CTPS2: variants seen among roughly 807,000 people sequenced by gnomAD.
The protein encoded by CTPS2 is CTP synthase II.
Under a neutral mutation model 46.8 loss-of-function variants are expected in CTPS2, and 19 were observed. That is an observed-to-expected ratio of 0.41 (90% CI 0.28 to 0.60). The LOEUF (loss-of-function observed/expected upper bound fraction) is 0.60, where lower values mean the gene tolerates loss of function less well. CTPS2 is among the 20% of genes least tolerant of loss of function. The pLI is 0.35. For synonymous variants in CTPS2, 151 were observed against 165.2 expected (o/e 0.91, Z 0.66); for missense variants, 286 against 447.6 (o/e 0.64, Z 3.26).
chrX:16,596,190 T>G (rs1383256892), intron 17 of CTPS2, among the ~76,000 whole-genome samples: 1 of 77,230 alleles, frequency 1.3e-5, no homozygotes, highest in Non-Finnish European at 3.0e-5. Context: ...TTTTTTTTGT[T>G]TTTTTTTTTA....
intron 10 of CTPS2, among the ~76,000 whole-genome samples, chrX:16,673,330 T>G (rs753927956): frequency 9.0e-6 from 1 of 111,382 alleles, no homozygotes; most frequent in South Asian, 3.7e-4. Flanking sequence ...AACTGGTCAA[T>G]AACAAACTTT....
chrX:16,706,294 G>A (rs1200290207), intron 1 of CTPS2, among the ~76,000 whole-genome samples: 1 of 106,649 alleles, frequency 9.4e-6, no homozygotes, highest in African/African-American at 3.4e-5. Flanking sequence ...GTGGTGGCAG[G>A]CACCTGTAAT....
At chrX:16,637,497 AGT>A (rs1383471198) in intron 14 of CTPS2, among the ~76,000 whole-genome samples, 1 of 112,867 alleles carries the variant, frequency 8.9e-6, no homozygotes, top group East Asian at 2.8e-4. Context: ...GGTGTGAGCC[AGT>A]GCGACTGGCC....
Position 16,593,133 on chromosome X carries a change from A to T in CTPS2, c.1692-2271T>A, listed in dbSNP as rs954371557. 2.7e-5 allele frequency among the ~76,000 whole-genome samples: 3 copies of T among 111,995 alleles called. No homozygotes were observed. In the East Asian group the frequency reaches 8.4e-4, roughly 31 times the overall value. On this transcript the variant is annotated intron_variant, in intron 17 of 18. Coordinates refer to ENST00000359276, the MANE Select transcript of CTPS2 (RefSeq NM_175859.3). Reference sequence around the variant, plus strand: ...AAACTTTTGCTGATTTATAGCAATAAAAGTCTGAATTCCCAGCCAGGTGCG... The same window carrying T: ...AAACTTTTGCTGATTTATAGCAATATAAGTCTGAATTCCCAGCCAGGTGCG...
chrX:16,649,419 T>G (rs947052791), intron 13 of CTPS2, among the ~76,000 whole-genome samples: 1 of 112,715 alleles, frequency 8.9e-6, no homozygotes, highest in Non-Finnish European at 1.9e-5. Flanking sequence ...GCTGCTAATA[T>G]GTAAAGACAT....
chrX:16,709,361 G>A (rs1259387952), intron 1 of CTPS2, among the ~76,000 whole-genome samples: 2 of 107,860 alleles, frequency 1.9e-5, no homozygotes, highest in Non-Finnish European at 3.8e-5. Context: ...CTGGGAGGTG[G>A]AGGTTGCAGT....
chrX:16,665,620 T>C (rs1569219745), intron 13 of CTPS2, among the ~76,000 whole-genome samples: 1 of 112,021 alleles, frequency 8.9e-6, no homozygotes, highest in Non-Finnish European at 1.9e-5. Flanking sequence ...CTGGTGGAGA[T>C]AGGAGGCTTG....
At chrX:16,616,214 G>A (rs1054989260) in intron 16 of CTPS2, among the ~76,000 whole-genome samples, 2 of 111,924 alleles carry the variant, frequency 1.8e-5, no homozygotes, top group Non-Finnish European at 3.8e-5. Flanking sequence ...CTCATCAATA[G>A]TAAATGTGTA....
intron 14 of CTPS2, among the ~76,000 whole-genome samples, chrX:16,636,594 G>A (rs917446174): frequency 9.0e-6 from 1 of 111,429 alleles, no homozygotes; most frequent in African/African-American, 3.3e-5. Flanking sequence ...CTAAAATTGC[G>A]GTGATGGTTG....
chrX:16,598,362 A>G (rs1171912734), intron 17 of CTPS2, among the ~76,000 whole-genome samples: 1 of 111,794 alleles, frequency 8.9e-6, no homozygotes, highest in African/African-American at 3.3e-5. Flanking sequence ...GCAATAAAAA[A>G]TGATAAAGGG....
At chrX:16,628,494 T>C (rs1256805170) in intron 14 of CTPS2, among the ~76,000 whole-genome samples, 2 of 110,796 alleles carry the variant, frequency 1.8e-5, no homozygotes, top group Admixed American at 9.7e-5. Context: ...GTCTCTCAAG[T>C]AGCTGGGATT....
intron 16 of CTPS2, among the ~76,000 whole-genome samples, chrX:16,616,653 A>G (rs1374203190): frequency 8.9e-6 from 1 of 111,871 alleles, no homozygotes; most frequent in Non-Finnish European, 1.9e-5. Context: ...ACATCATTTT[A>G]TGGTGGAGTC....
intron 13 of CTPS2, among the ~76,000 whole-genome samples, chrX:16,665,767 T>C (rs1264875546): frequency 8.9e-6 from 1 of 112,228 alleles, no homozygotes; most frequent in Non-Finnish European, 1.9e-5. Context: ...TGTTTGTTTT[T>C]TGAGACAAAG....
In CTPS2 at chrX:16,634,097, C is replaced by A. The variant is rs537800069; in HGVS notation, c.1393+5050G>T. Among the ~76,000 whole-genome samples, 26 of 111,569 alleles carry A rather than the reference C, an allele frequency of 2.3e-4. No homozygotes were observed. In the South Asian group the frequency reaches 7.9e-3, roughly 34 times the overall value. On this transcript the variant is annotated intron_variant, in intron 14 of 18. Coordinates refer to ENST00000359276, the MANE Select transcript of CTPS2 (RefSeq NM_175859.3). ...ATGCACAGATCATAGACAGGAAGAC[C>A]AGATACAGGAAAAAGTGATGCCACC...
chrX:16,664,396 C>T (rs1920998404), intron 13 of CTPS2, among the ~76,000 whole-genome samples: 1 of 111,351 alleles, frequency 9.0e-6, no homozygotes, highest in Non-Finnish European at 1.9e-5. Context: ...TTAAAAGTAC[C>T]ATCTGGCTGG....
chrX:16,694,824 C>T (rs1923988183), intron 4 of CTPS2, among the ~76,000 whole-genome samples: 1 of 111,881 alleles, frequency 8.9e-6, no homozygotes, highest in Admixed American at 9.5e-5. Flanking sequence ...TGAGACCTTG[C>T]CTCCACAAAA....
At chrX:16,691,924 G>T (rs1161712079) in intron 6 of CTPS2, among the ~76,000 whole-genome samples, 1 of 112,016 alleles carries the variant, frequency 8.9e-6, no homozygotes, top group Admixed American at 9.6e-5. Flanking sequence ...AGGGCCAGAT[G>T]GGAAATATTT....
At position 16,689,612 on chromosome X, in the gene CTPS2, A is replaced by T. The variant is rs748848696; in HGVS notation, c.721-11T>A. The stretch of plus-strand genomic sequence containing the variant: ...ATGGATACATATGACCTAAGTGGCG[A>T]TGAGAAATCACCATACTTAGATGGA... On this transcript the variant is annotated splice_polypyrimidine_tract_variant and intron_variant, in intron 7 of 18. Transcript: ENST00000359276. The T allele has an allele frequency of 3.2e-5, 38 of 1,193,268 alleles. No homozygotes were observed. Among genetic ancestry groups the T allele is most frequent in the Non-Finnish European group, 4.0e-5 (35 of 884,035 alleles).
intron 8 of CTPS2, among the ~76,000 whole-genome samples, chrX:16,686,012 C>T (rs1923177623): frequency 9.0e-6 from 1 of 110,509 alleles, no homozygotes; most frequent in South Asian, 3.9e-4. Context: ...ATGATAGAGG[C>T]TGTTCCTTTG....
Sources: gnomAD v4.1 joint callset for allele counts (sites outside exome capture counted in the v4.1 genomes callset) on GRCh38, gnomAD v4.1.1 for gene constraint, MANE v1.5 for transcripts, NCBI Gene and HGNC (gene_info 2026-07-23, HGNC 2026-07-21) for gene names.